NAALADL2: variants seen among roughly 807,000 people sequenced by gnomAD.
The protein encoded by NAALADL2 is inactive N-acetylated-alpha-linked acidic dipeptidase-like protein 2.
A neutral mutation model predicts 87.2 loss-of-function variants in NAALADL2; 76 were observed. The observed-to-expected ratio is 0.87, with a 90% confidence interval of 0.72 to 1.05. The LOEUF (loss-of-function observed/expected upper bound fraction) is 1.05. Ranked by LOEUF, NAALADL2 falls within the 50% of genes least tolerant of loss-of-function variation. The pLI, the probability that NAALADL2 is intolerant of heterozygous loss-of-function variation, is 0.00. For missense variants in NAALADL2, 1,089 were observed against 945.8 expected (o/e 1.15, Z -1.99); for synonymous variants, 354 against 331.0 (o/e 1.07, Z -0.75).
At chr3:175,786,750 C>T (rs184655821) in intron 13 of NAALADL2, among the ~76,000 whole-genome samples, 18 of 151,994 alleles carry the variant, frequency 1.2e-4, no homozygotes, top group East Asian at 1.2e-3. Flanking sequence ...TGAGGAACTG[C>T]GTTCCTTTGG....
At chr3:174,668,332 T>A (rs868553615) in intron 2 of NAALADL2, among the ~76,000 whole-genome samples, 6 of 152,174 alleles carry the variant, frequency 3.9e-5, no homozygotes, top group Admixed American at 1.3e-4. Flanking sequence ...CTTGATTATG[T>A]CCTTCAATGC....
chr3:174,933,784 C>T (rs1251821505), intron 1 of NAALADL2, among the ~76,000 whole-genome samples: 1 of 152,154 alleles, frequency 6.6e-6, no homozygotes, highest in African/African-American at 2.4e-5. Flanking sequence ...AACATGTTTG[C>T]TCTCAGTTAT....
chr3:175,089,603 G>A (rs941356865), intron 1 of NAALADL2, among the ~76,000 whole-genome samples: 1 of 152,056 alleles, frequency 6.6e-6, no homozygotes, highest in Non-Finnish European at 1.5e-5. Flanking sequence ...TTGTGAATTA[G>A]CATATAATTT....
In NAALADL2 at chr3:174,962,253, C is replaced by G. The variant is rs79557578; in HGVS notation, c.43+102803C>G. ...TGAAACATCACAGGCTATCCTGAAT[C>G]AGAACCACCCAGCTAAGTTGTTCAT... is the stretch of plus-strand genomic sequence containing the variant. On this transcript the variant is annotated intron_variant, in intron 1 of 13. Transcript: ENST00000454872. Among the ~76,000 whole-genome samples the G allele has an allele frequency of 3.4e-3, 514 of 150,762 alleles. 1 individual carries two copies. Among genetic ancestry groups the G allele is most frequent in the African/African-American group, 0.012 (501 of 40,694 alleles).
intron 3 of NAALADL2, among the ~76,000 whole-genome samples, chr3:174,821,788 A>T (rs543585377): frequency 5.7e-4 from 87 of 152,262 alleles, no homozygotes; most frequent in African/African-American, 2.1e-3. Context: ...GTTTAAACTA[A>T]TTTATTTATT....
intron 2 of NAALADL2, among the ~76,000 whole-genome samples, chr3:175,103,847 T>A (rs548549692): frequency 4.6e-5 from 7 of 152,314 alleles, no homozygotes; most frequent in African/African-American, 1.7e-4. Context: ...ACATTTAGTA[T>A]GTTTTTATGG....
chr3:175,242,166 G>A (rs565412576), intron 3 of NAALADL2, among the ~76,000 whole-genome samples: 1 of 152,140 alleles, frequency 6.6e-6, no homozygotes, highest in Non-Finnish European at 1.5e-5. Context: ...GGCCCTGGAT[G>A]CAGATTTTTA....
chr3:175,387,743 T>C (rs1043432066), intron 5 of NAALADL2, among the ~76,000 whole-genome samples: 1 of 152,108 alleles, frequency 6.6e-6, no homozygotes, highest in Admixed American at 6.6e-5. Context: ...AACAAATTGA[T>C]AGTAAATAAA....
At chr3:175,101,387 T>C (rs543754525) in intron 2 of NAALADL2, among the ~76,000 whole-genome samples, 1 of 152,342 alleles carries the variant, frequency 6.6e-6, no homozygotes, top group African/African-American at 2.4e-5. Context: ...CCAGTTGAGA[T>C]GCTGGTTATC....
intron 3 of NAALADL2, among the ~76,000 whole-genome samples, chr3:174,841,687 G>A (rs538095645): frequency 1.3e-5 from 2 of 152,220 alleles, no homozygotes; most frequent in Admixed American, 6.5e-5. Context: ...TTTTCTCTAT[G>A]CCAATAATAC....
intron 1 of NAALADL2, among the ~76,000 whole-genome samples, chr3:175,048,699 C>G (rs2109008194): frequency 6.6e-6 from 1 of 152,130 alleles, no homozygotes; most frequent in Middle Eastern, 3.4e-3. Flanking sequence ...ATATTTACAG[C>G]TAAGTATTGT....
intron 2 of NAALADL2, among the ~76,000 whole-genome samples, chr3:174,650,111 A>G (rs897088935): frequency 1.3e-5 from 2 of 152,140 alleles, no homozygotes; most frequent in Non-Finnish European, 2.9e-5. Flanking sequence ...TTTATTCATC[A>G]TGTGCAATAA....
chr3:174,736,609 C>T (rs989719008), intron 2 of NAALADL2, among the ~76,000 whole-genome samples: 11 of 152,004 alleles, frequency 7.2e-5, no homozygotes, highest in East Asian at 3.9e-4. Context: ...TGGCTGAGTC[C>T]GGGGTTTTTA....
chr3:175,075,892 G>A (rs915407868), intron 1 of NAALADL2, among the ~76,000 whole-genome samples: 3 of 152,132 alleles, frequency 2.0e-5, no homozygotes, highest in Admixed American at 2.0e-4. Context: ...TTGATTAGCT[G>A]GGTAGTAGGT....
intron 1 of NAALADL2, among the ~76,000 whole-genome samples, chr3:175,028,575 C>A (rs1376671222): frequency 6.6e-6 from 1 of 151,904 alleles, no homozygotes; most frequent in Non-Finnish European, 1.5e-5. Context: ...ACTTTCATGA[C>A]CATTTTTACC....
intron 1 of NAALADL2, among the ~76,000 whole-genome samples, chr3:174,868,036 C>A (rs1261525040): frequency 6.6e-6 from 1 of 151,932 alleles, no homozygotes; most frequent in African/African-American, 2.4e-5. Context: ...AGGGTTGGTT[C>A]TTATTGGTAA....
chr3:174,537,298 C>A (rs562527608), intron 1 of NAALADL2, among the ~76,000 whole-genome samples: 2 of 152,240 alleles, frequency 1.3e-5, no homozygotes, highest in South Asian at 4.1e-4. Context: ...AGCAAATCTT[C>A]ATATAATTAT....
At chr3:175,503,228 CTCCA>C (rs1372108634) in intron 9 of NAALADL2, among the ~76,000 whole-genome samples, 1 of 152,116 alleles carries the variant, frequency 6.6e-6, no homozygotes, top group Non-Finnish European at 1.5e-5. Flanking sequence ...TGGCCTCCAG[CTCCA>C]TCCATGTTGC....
At chr3:174,443,239 G>A (rs1714797123) in intron 1 of NAALADL2, among the ~76,000 whole-genome samples, 1 of 152,160 alleles carries the variant, frequency 6.6e-6, no homozygotes, top group Admixed American at 6.5e-5. Flanking sequence ...ATAACAGTTA[G>A]GCTATCATAA....
Sources: allele counts gnomAD v4.1 joint callset (sites outside exome capture counted in the v4.1 genomes callset), GRCh38; gene constraint gnomAD v4.1.1; transcripts MANE v1.5; gene names NCBI Gene and HGNC (gene_info 2026-07-23, HGNC 2026-07-21).